MYO16: variants seen among roughly 807,000 people sequenced by gnomAD.
MYO16 encodes the protein unconventional myosin-XVI.
MYO16 carries 94 observed loss-of-function variants against 205.3 expected under a neutral mutation model. The ratio of observed to expected loss-of-function variants is 0.46; its 90% confidence interval spans 0.39 to 0.54. MYO16 has a LOEUF of 0.54. Ranked by LOEUF, MYO16 falls within the 20% of genes least tolerant of loss-of-function variation. The pLI is 0.00. For missense variants in MYO16, 2,315 were observed against 2,387.5 expected (o/e 0.97, Z 0.63); for synonymous variants, 988 against 954.0 (o/e 1.04, Z -0.66).
chr13:108,953,260 G>T (rs1162240874), intron 16 of MYO16, among the ~76,000 whole-genome samples: 1 of 152,092 alleles, frequency 6.6e-6, no homozygotes, highest in Admixed American at 6.6e-5. Context: ...ATATTTTATG[G>T]TTTAAGATGA....
intron 2 of MYO16, among the ~76,000 whole-genome samples, chr13:108,698,160 T>A (rs530829830): frequency 2.6e-5 from 4 of 152,258 alleles, no homozygotes; most frequent in Admixed American, 1.3e-4. Context: ...GTGTCCCAAT[T>A]CCAAATTTCC....
At chr13:108,770,808 G>A (rs1457764279) in intron 4 of MYO16, among the ~76,000 whole-genome samples, 3 of 151,998 alleles carry the variant, frequency 2.0e-5, no homozygotes, top group East Asian at 3.9e-4. Flanking sequence ...TAATGACAAC[G>A]ACTACACATT....
In MYO16 at chr13:108,855,527, A is replaced by G. The variant is rs1264842025; in HGVS notation, c.1333A>G (p.Lys445Glu). Residue 445 changes from lysine (K) to glutamate (E), a missense_variant, in exon 11 of 35, where the codon AAG (lysine) becomes GAG (glutamate). Lys to Glu is a moderately conservative substitution (Grantham distance 56, BLOSUM62 1). Coordinates refer to ENST00000457511, the MANE Select transcript of MYO16 (RefSeq NM_001198950.3). ...TGGCAGCCTGCTCTATGAGATTCAGAAGCGCTTTGGGAACAATCAGATCTA... is the reference window on the plus strand; with the variant it reads ...TGGCAGCCTGCTCTATGAGATTCAGGAGCGCTTTGGGAACAATCAGATCTA... Reference protein sequence around the residue: ...NDGSLLYEIQKRFGNNQIYTF... With the variant: ...NDGSLLYEIQERFGNNQIYTF... 6.3e-7 allele frequency: 1 copy of G among 1,593,264 alleles called. No homozygotes were observed. The highest frequency in any genetic ancestry group is 8.6e-7 in the Non-Finnish European group (1 of 1,163,966).
At chr13:109,200,697 T>G (rs1289415148) in intron 34 of MYO16, among the ~76,000 whole-genome samples, 1 of 151,876 alleles carries the variant, frequency 6.6e-6, no homozygotes, top group Non-Finnish European at 1.5e-5. Context: ...TTTTTTTTTT[T>G]TTGTCAAAAT....
chr13:108,541,260 A>G, the MYO16 span, among the ~76,000 whole-genome samples: 2 of 151,860 alleles, frequency 1.3e-5, no homozygotes, highest in African/African-American at 4.8e-5. Flanking sequence ...TAACTTATAT[A>G]TTACATTATA....
chr13:109,196,173 C>G (rs896004549), intron 34 of MYO16, among the ~76,000 whole-genome samples: 4 of 152,136 alleles, frequency 2.6e-5, no homozygotes, highest in African/African-American at 9.7e-5. Context: ...TGTTGAGAGA[C>G]ACAAGATTCT....
intron 27 of MYO16, among the ~76,000 whole-genome samples, chr13:109,082,735 T>G (rs1264029625): frequency 6.6e-6 from 1 of 151,984 alleles, no homozygotes; most frequent in Non-Finnish European, 1.5e-5. Flanking sequence ...CTTGGAAGGC[T>G]GAGGCAGGAG....
chr13:108,625,312 G>A (rs531348236), upstream of MYO16, among the ~76,000 whole-genome samples: 9 of 152,306 alleles, frequency 5.9e-5, no homozygotes, highest in Admixed American at 3.9e-4. Flanking sequence ...ACTAGACTGA[G>A]ATCAGGGACT....
chr13:108,982,360 CTTTAT>C (rs942667070), intron 20 of MYO16, among the ~76,000 whole-genome samples: 3 of 152,084 alleles, frequency 2.0e-5, no homozygotes, highest in Non-Finnish European at 2.9e-5. Context: ...TTAACATACA[CTTTAT>C]TTTTACTTTA....
At chr13:108,987,357 T>C (rs1276275066) in intron 20 of MYO16, among the ~76,000 whole-genome samples, 1 of 152,114 alleles carries the variant, frequency 6.6e-6, no homozygotes, top group Non-Finnish European at 1.5e-5. Flanking sequence ...CCCCCAAAAG[T>C]ATGCAATCCT....
intron 28 of MYO16, among the ~76,000 whole-genome samples, chr13:109,120,150 G>T (rs1376539899): frequency 6.6e-6 from 1 of 152,124 alleles, no homozygotes; most frequent in African/African-American, 2.4e-5. Flanking sequence ...GTAACCATTT[G>T]AAAACAATGT....
intron 4 of MYO16, among the ~76,000 whole-genome samples, chr13:108,754,959 T>G (rs185816313): frequency 1.4e-4 from 21 of 151,244 alleles, no homozygotes; most frequent in African/African-American, 2.0e-4. Flanking sequence ...GATGAATATA[T>G]AGAGAGAGAG....
At chr13:108,647,039 A>G (rs1341375647) in intron 1 of MYO16, among the ~76,000 whole-genome samples, 1 of 152,058 alleles carries the variant, frequency 6.6e-6, no homozygotes, top group Non-Finnish European at 1.5e-5. Context: ...GCATGCATAT[A>G]TTTGCCCCTC....
Position 109,127,734 on chromosome 13 carries a change from C to G in MYO16, c.4051+184C>G, listed in dbSNP as rs1389957163. On this transcript the variant is annotated intron_variant, in intron 31 of 34. Transcript: ENST00000457511. This position sits in a 1 kb window ranked among gnomAD's most constrained non-coding sequence, Gnocchi z 4.2. Reference sequence around the variant, plus strand: ...AATATTTATTCAAATCTCTAAGCCTCTTAGGGAAAAGCTACTTACATGGCA... The same window carrying G: ...AATATTTATTCAAATCTCTAAGCCTGTTAGGGAAAAGCTACTTACATGGCA... 8 of 617,106 alleles carry G rather than the reference C, an allele frequency of 1.3e-5. No homozygotes were observed. Among genetic ancestry groups the G allele is most frequent in the Non-Finnish European group, 2.1e-5 (8 of 381,768 alleles). The allele number at this position is 617,106 out of a possible 1,614,324, so 38.2% of individuals were successfully genotyped here. A position where few individuals can be genotyped will look rare whatever the true frequency, so the allele number is the denominator to read the frequency against.
chr13:109,176,577 T>TTAAAAAAAAAAAAA, intron 33 of MYO16, among the ~76,000 whole-genome samples: 1 of 44,942 alleles, frequency 2.2e-5, no homozygotes, highest in Non-Finnish European at 3.8e-5. Flanking sequence ...ATTGTGCTGG[T>TTAAAAAAAAAAAAA]AAAAAAAAAA....
At chr13:109,030,675 T>A (rs1886519439) in intron 23 of MYO16, among the ~76,000 whole-genome samples, 1 of 151,718 alleles carries the variant, frequency 6.6e-6, no homozygotes, top group South Asian at 2.1e-4. Context: ...ACACGATGAT[T>A]CCCAGATCTC....
intron 14 of MYO16, among the ~76,000 whole-genome samples, chr13:108,890,730 C>G (rs771152868): frequency 6.6e-6 from 1 of 152,206 alleles, no homozygotes; most frequent in East Asian, 1.9e-4. Flanking sequence ...CCTGTATCAC[C>G]AGAGACTCCT....
intron 6 of MYO16, 53 bp downstream of exon 6, chr13:108,793,693 T>C: frequency 6.6e-7 from 1 of 1,523,220 alleles, no homozygotes; most frequent in Non-Finnish European, 9.0e-7. Flanking sequence ...TTTAAGTTGA[T>C]CTATAAAACA....
the MYO16 span, among the ~76,000 whole-genome samples, chr13:108,536,999 G>T: frequency 6.6e-6 from 1 of 152,042 alleles, no homozygotes; most frequent in East Asian, 1.9e-4. Context: ...ATGAAGGAGT[G>T]CACATGTGCA....
Sources: gnomAD v4.1 joint callset for allele counts (sites outside exome capture counted in the v4.1 genomes callset) on GRCh38, gnomAD v4.1.1 for gene constraint, Gnocchi (gnomAD v3.1) non-coding constraint, MANE v1.5 for transcripts, NCBI Gene and HGNC (gene_info 2026-07-23, HGNC 2026-07-21) for gene names.